Variants in UPP2 observed in about 807,000 individuals in gnomAD.
UPP2 encodes uridine phosphorylase 2.
UPP2 carries 23 observed loss-of-function variants against 26.7 expected under a neutral mutation model. The observed-to-expected ratio is 0.86, with a 90% CI of 0.62 to 1.22. UPP2 has a LOEUF of 1.22. UPP2 is among the 50% of genes most tolerant of loss of function. The pLI, the probability that UPP2 is intolerant of heterozygous loss-of-function variation, is 0.00. For synonymous variants in UPP2, 127 were observed against 141.3 expected (o/e 0.90, Z 0.72); for missense variants, 387 against 396.7 (o/e 0.98, Z 0.21).
chr2:158,034,009 C>T (rs761201433), intron 3 of UPP2, among the ~76,000 whole-genome samples: 3 of 152,138 alleles, frequency 2.0e-5, no homozygotes, highest in Admixed American at 1.3e-4. Context: ...AACACAGACC[C>T]GGTCAAGCAG....
intron 3 of UPP2, among the ~76,000 whole-genome samples, chr2:158,029,048 G>T (rs77915019): frequency 1.3e-5 from 2 of 152,004 alleles, no homozygotes; most frequent in East Asian, 1.9e-4. Flanking sequence ...CTGTTCACTC[G>T]CCCCTCATTC....
intron 2 of UPP2, among the ~76,000 whole-genome samples, chr2:158,107,201 CA>C (rs1209625041): frequency 6.6e-6 from 1 of 152,108 alleles, no homozygotes; most frequent in East Asian, 1.9e-4. Flanking sequence ...TTTTGTTTTC[CA>C]AAAGACTGTA....
At chr2:158,094,619 T>A (rs1682959579) in intron 3 of UPP2, among the ~76,000 whole-genome samples, 1 of 151,858 alleles carries the variant, frequency 6.6e-6, no homozygotes. Context: ...GTTAAGAGAG[T>A]TCCATAAAAC....
chr2:158,091,095 T>C (rs1682904826), intron 3 of UPP2, among the ~76,000 whole-genome samples: 1 of 152,234 alleles, frequency 6.6e-6, no homozygotes, highest in Non-Finnish European at 1.5e-5. Context: ...AATGACAGTT[T>C]ATGCTACCTA....
intron 2 of UPP2, among the ~76,000 whole-genome samples, chr2:158,011,256 A>C (rs1683572590): frequency 6.6e-6 from 1 of 152,206 alleles, no homozygotes; most frequent in African/African-American, 2.4e-5. Context: ...GACTCAGGTA[A>C]CCAGACAGCC....
upstream of UPP2, among the ~76,000 whole-genome samples, chr2:158,099,991 A>G (rs981534024): frequency 2.0e-5 from 3 of 152,218 alleles, no homozygotes; most frequent in Admixed American, 1.3e-4. Flanking sequence ...TCCTGTGTGC[A>G]TAATTTTTAA....
intron 3 of UPP2, among the ~76,000 whole-genome samples, chr2:158,084,439 T>C (rs1682780748): frequency 6.6e-6 from 1 of 152,152 alleles, no homozygotes; most frequent in Admixed American, 6.5e-5. Flanking sequence ...TTTCTCCCAT[T>C]CTGTAGGTTG....
intron 2 of UPP2, among the ~76,000 whole-genome samples, chr2:158,112,985 G>A (rs1286093213): frequency 1.3e-5 from 2 of 152,146 alleles, no homozygotes; most frequent in African/African-American, 2.4e-5. Context: ...GTCACTTAAG[G>A]TCAATGTTGG....
Position 158,102,621 on chromosome 2 carries a change from T to G in UPP2, c.62+496T>G, listed in dbSNP as rs139931528. On this transcript the variant is annotated intron_variant, in intron 1 of 6. Transcript: ENST00000005756. ...CCGTCTATGTGATTCATCTCATGGG[T>G]AGATATAAAATTGCTGAAGCTGTCT... Among the ~76,000 whole-genome samples, 125 of 152,276 alleles carry G rather than the reference T, an allele frequency of 8.2e-4. 2 individuals carry two copies. The highest frequency in any genetic ancestry group is 2.7e-3 in the African/African-American group (113 of 41,548).
chr2:158,112,220 T>C (rs1036057204), intron 2 of UPP2, among the ~76,000 whole-genome samples: 1 of 152,174 alleles, frequency 6.6e-6, no homozygotes, highest in African/African-American at 2.4e-5. Context: ...TACAAAGTTA[T>C]AATGATAAAG....
intron 2 of UPP2, among the ~76,000 whole-genome samples, chr2:158,010,162 G>A (rs751891733): frequency 6.6e-5 from 10 of 152,126 alleles, no homozygotes; most frequent in South Asian, 2.1e-4. Flanking sequence ...CATCGAAAGC[G>A]ACAGAAGAAT....
upstream of UPP2, among the ~76,000 whole-genome samples, chr2:158,100,600 C>T (rs936460089): frequency 3.9e-5 from 6 of 152,106 alleles, no homozygotes; most frequent in African/African-American, 1.4e-4. Flanking sequence ...AGCAGGTAGA[C>T]CAGCCTGAGA....
intron 3 of UPP2, among the ~76,000 whole-genome samples, chr2:158,074,790 G>T (rs961324417): frequency 6.7e-6 from 1 of 149,548 alleles, no homozygotes; most frequent in Non-Finnish European, 1.5e-5. Context: ...ATTGCAAATG[G>T]ACCAGACTCT....
chr2:158,134,748 C>G lies in UPP2; in HGVS notation c.812C>G (p.Ala271Gly). 1 of 1,600,474 alleles carries G rather than the reference C, an allele frequency of 6.2e-7. No homozygotes were observed. The change falls in exon 7 of 7, where the codon GCT becomes GGT. Residue 271 changes from alanine to glycine, a missense_variant and splice_region_variant. Coordinates refer to ENST00000005756, the MANE Select transcript of UPP2 (RefSeq NM_173355.4). ...AAMCGLCGLK[A>G]AVVCVTLLDR... ...TCAGTTGTGCTAATTGCTCTTCTAGCTGCTGTGGTCTGTGTGACACTTCTC... is the reference window on the plus strand; with the variant it reads ...TCAGTTGTGCTAATTGCTCTTCTAGGTGCTGTGGTCTGTGTGACACTTCTC...
intron 3 of UPP2, among the ~76,000 whole-genome samples, chr2:158,074,073 G>A (rs985741535): frequency 2.0e-5 from 3 of 152,142 alleles, no homozygotes; most frequent in Non-Finnish European, 4.4e-5. Flanking sequence ...AGCTACTTGG[G>A]AAGCTGAGGA....
chr2:158,075,258 C>T (rs10185823), intron 3 of UPP2, among the ~76,000 whole-genome samples: 7,152 of 151,992 alleles, frequency 0.047, 310 homozygotes, highest in East Asian at 0.14. Flanking sequence ...TTAATCTGTA[C>T]TGTAGAACAA....
intron 3 of UPP2, among the ~76,000 whole-genome samples, chr2:158,039,747 A>G (rs1684058848): frequency 6.6e-6 from 1 of 152,242 alleles, no homozygotes; most frequent in South Asian, 2.1e-4. Flanking sequence ...ATTTTAACCC[A>G]GATACTAACT....
upstream of UPP2, among the ~76,000 whole-genome samples, chr2:158,097,371 TTC>T (rs879735828): frequency 2.6e-5 from 4 of 151,438 alleles, no homozygotes; most frequent in African/African-American, 9.7e-5. Flanking sequence ...AATTCCTGGT[TTC>T]TCTCTCTATA....
At chr2:158,011,349 C>T (rs908503926) in intron 2 of UPP2, among the ~76,000 whole-genome samples, 1 of 152,212 alleles carries the variant, frequency 6.6e-6, no homozygotes, top group African/African-American at 2.4e-5. Context: ...CCTCCTGCGT[C>T]TCTGAGTGTT....
Sources: gnomAD v4.1 joint callset for allele counts (sites outside exome capture counted in the v4.1 genomes callset) on GRCh38, gnomAD v4.1.1 for gene constraint, MANE v1.5 for transcripts, NCBI Gene and HGNC (gene_info 2026-07-23, HGNC 2026-07-21) for gene names.